The following GUCY1B1 variants were observed in gnomAD, a reference collection of about 807,000 sequenced individuals.
GUCY1B1 encodes guanylate cyclase soluble subunit beta-1.
A neutral mutation model predicts 71.0 loss-of-function variants in GUCY1B1; 43 were observed. The ratio of observed to expected loss-of-function variants is 0.61; its 90% CI spans 0.47 to 0.78. GUCY1B1 has a LOEUF of 0.78. Ranked by LOEUF, GUCY1B1 falls within the 30% of genes least tolerant of loss-of-function variation. The pLI, the probability that GUCY1B1 is intolerant of heterozygous loss-of-function variation, is 0.00. For missense variants in GUCY1B1, 535 were observed against 754.1 expected (o/e 0.71, Z 3.40); for synonymous variants, 266 against 259.7 (o/e 1.02, Z -0.23).
intron 4 of GUCY1B1, among the ~76,000 whole-genome samples, chr4:155,787,243 T>C (rs768322548): frequency 3.3e-5 from 5 of 152,210 alleles, no homozygotes; most frequent in African/African-American, 9.6e-5. Context: ...TTGTAGGTTA[T>C]ATATACCTCT....
Position 155,776,557 on chromosome 4 carries a change from C to A in GUCY1B1, c.179-967C>A, listed in dbSNP as rs145960474. On this transcript the variant is annotated intron_variant, in intron 3 of 13. Transcript: ENST00000264424. ...TGGTGGTGGGTTCCTGTGGTCCCAG[C>A]TACTCAGGAGGCTGAGGCAGGAGAA... Among the ~76,000 whole-genome samples, 990 of 152,068 alleles carry A rather than the reference C, an allele frequency of 6.5e-3. 14 individuals carry two copies. The highest frequency in any genetic ancestry group is 0.023 in the African/African-American group (945 of 41,472).
At position 155,802,976 on chromosome 4, in the gene GUCY1B1, G is replaced by C. The variant is rs186472657; in HGVS notation, c.1413+397G>C. 6.6e-6 allele frequency among the ~76,000 whole-genome samples: 1 copy of C among 152,236 alleles called. No homozygotes were observed. Among genetic ancestry groups the C allele is most frequent in the East Asian group, 1.9e-4 (1 of 5,178 alleles). On this transcript the variant is annotated intron_variant, in intron 10 of 13. Transcript: ENST00000264424. This position sits in a 1 kb window ranked among gnomAD's most constrained non-coding sequence, Gnocchi z 4.3. ...GTAAAGAAGTCATGAAGCATGAGAAGGACTCAGATTTGCGTTTAGATAACA... is the reference window on the plus strand; with the variant it reads ...GTAAAGAAGTCATGAAGCATGAGAACGACTCAGATTTGCGTTTAGATAACA...
chr4:155,786,789 G>A (rs1241940133), intron 4 of GUCY1B1, among the ~76,000 whole-genome samples: 1 of 151,912 alleles, frequency 6.6e-6, no homozygotes, highest in Admixed American at 6.6e-5. Context: ...TGTATTTTCA[G>A]TAGATGTGGG....
At chr4:155,773,969 G>A (rs771193034) in intron 2 of GUCY1B1, among the ~76,000 whole-genome samples, 6 of 152,150 alleles carry the variant, frequency 3.9e-5, no homozygotes, top group Non-Finnish European at 7.4e-5. Context: ...TTACAGGCAT[G>A]AGCCACCGCG....
chr4:155,789,567 C>T (rs1278895582), intron 4 of GUCY1B1, 147 bp from the exon 5 acceptor site: 4 of 503,732 alleles, frequency 7.9e-6, no homozygotes, highest in Non-Finnish European at 1.1e-5. Flanking sequence ...ACAGATATCT[C>T]AGTGGAGTGA....
chr4:155,774,269 T>C (rs1446240529), intron 2 of GUCY1B1, among the ~76,000 whole-genome samples: 1 of 152,148 alleles, frequency 6.6e-6, no homozygotes, highest in Non-Finnish European at 1.5e-5. Flanking sequence ...CCAGCCACAT[T>C]GGCCTCTGCT....
chr4:155,803,622 A>G lies in GUCY1B1; in HGVS notation c.1414-2A>G. 6.4e-7 allele frequency: 1 copy of G among 1,571,100 alleles called. No individual in the cohort carries two copies. The highest frequency in any genetic ancestry group is 8.6e-7 in the Non-Finnish European group (1 of 1,158,668). On this transcript the variant is annotated splice_acceptor_variant, in intron 10 of 13. Coordinates refer to ENST00000264424, the MANE Select transcript of GUCY1B1 (RefSeq NM_000857.5). LOFTEE classifies it high-confidence loss of function. The stretch of plus-strand genomic sequence containing the variant: ...TGAACATCTAAATATATGTACTGTT[A>G]GGTGGAGACTGTTGGTGACAAGTAT...
chr4:155,797,045 T>G (rs1053075981), intron 8 of GUCY1B1, among the ~76,000 whole-genome samples: 2 of 152,184 alleles, frequency 1.3e-5, no homozygotes, highest in African/African-American at 4.8e-5. Flanking sequence ...ATGTGATTTT[T>G]AATAAACGTC....
intron 8 of GUCY1B1, among the ~76,000 whole-genome samples, chr4:155,796,995 C>A (rs551906861): frequency 2.6e-5 from 4 of 152,130 alleles, no homozygotes; most frequent in African/African-American, 9.7e-5. Flanking sequence ...AATCCAAATA[C>A]ACTGTTCCAA....
In GUCY1B1 at chr4:155,807,585, T is replaced by C. The variant is rs965896307; in HGVS notation, c.*1176T>C. The C allele has an allele frequency of 5.3e-5, 8 of 152,146 alleles. No homozygotes were observed. Among genetic ancestry groups the C allele is most frequent in the African/African-American group, 1.9e-4 (8 of 41,456 alleles). The allele number at this position is 152,146 out of a possible 1,614,324, so 9.4% of individuals were successfully genotyped here. A position where few individuals can be genotyped will look rare whatever the true frequency, so the allele number is the denominator to read the frequency against. ...AAGAGTCTGTAATAAATTATTTTTT[T>C]CACGTGTCTCTATACAGTTTTTATT... On this transcript the variant is annotated 3_prime_UTR_variant, in exon 14 of 14. Transcript: ENST00000264424.
chr4:155,782,112 G>C (rs1738469072), intron 4 of GUCY1B1, among the ~76,000 whole-genome samples: 2 of 151,870 alleles, frequency 1.3e-5, no homozygotes. Context: ...GTCTTGCTCT[G>C]TCGCCCAGGC....
intron 2 of GUCY1B1, among the ~76,000 whole-genome samples, chr4:155,761,175 G>A (rs1736974910): frequency 1.3e-5 from 2 of 152,116 alleles, no homozygotes; most frequent in East Asian, 1.9e-4. Context: ...TGAGAACATA[G>A]GCACCAAAAG....
At chr4:155,763,471 C>T (rs184767430) in intron 2 of GUCY1B1, among the ~76,000 whole-genome samples, 50 of 152,026 alleles carry the variant, frequency 3.3e-4, no homozygotes, top group East Asian at 5.8e-4. Flanking sequence ...TCAGATAAAA[C>T]GTTTATCTTT....
Position 155,789,719 on chromosome 4 carries a change from T to C in GUCY1B1, c.303T>C (p.Leu101=). The change falls in exon 5 of 14, where the codon CTT becomes CTC. Residue 101 remains leucine (L), a synonymous_variant. Transcript: ENST00000264424. ...GSNVREFLQN[L]DALHDHLATI... is the part of the protein sequence containing the mutation. ...CCCTTTCTTCTTTGCTGCAGAACCT[T>C]GATGCTCTGCACGACCACCTTGCTA... 6.3e-7 allele frequency: 1 copy of C among 1,582,376 alleles called. No homozygotes were observed. Among genetic ancestry groups the C allele is most frequent in the Non-Finnish European group, 8.6e-7 (1 of 1,156,880 alleles).
At chr4:155,778,188 T>C (rs1738186880) in intron 4 of GUCY1B1, among the ~76,000 whole-genome samples, 1 of 152,170 alleles carries the variant, frequency 6.6e-6, no homozygotes, top group African/African-American at 2.4e-5. Context: ...CGAGGGAAAA[T>C]AGGAAACAGT....
Position 155,802,630 on chromosome 4 carries a change from G to A in GUCY1B1, c.1413+51G>A. On this transcript the variant is annotated intron_variant, in intron 10 of 13. Coordinates refer to ENST00000264424, the MANE Select transcript of GUCY1B1 (RefSeq NM_000857.5). This position sits in a 1 kb window ranked among gnomAD's most constrained non-coding sequence, Gnocchi z 4.3. The stretch of plus-strand genomic sequence containing the variant: ...AGAGCTATCCAGAGGCTGGCGTTCT[G>A]AGACTCCCCTCCAGAGGCCATGTCA... 1 of 1,477,262 alleles carries A rather than the reference G, an allele frequency of 6.8e-7. No homozygotes were observed. Among genetic ancestry groups the A allele is most frequent in the Non-Finnish European group, 9.0e-7 (1 of 1,105,164 alleles). The allele number at this position is 1,477,262 out of a possible 1,614,324, so 91.5% of individuals were successfully genotyped here. A position where few individuals can be genotyped will look rare whatever the true frequency, so the allele number is the denominator to read the frequency against.
chr4:155,791,240 A>C (rs970478554), intron 5 of GUCY1B1, among the ~76,000 whole-genome samples: 1 of 150,136 alleles, frequency 6.7e-6, no homozygotes, highest in African/African-American at 2.4e-5. Context: ...TCAGCCTCCC[A>C]AGTAGCTGGG....
At chr4:155,760,787 A>C (rs920524361) in intron 2 of GUCY1B1, among the ~76,000 whole-genome samples, 1 of 152,194 alleles carries the variant, frequency 6.6e-6, no homozygotes, top group Non-Finnish European at 1.5e-5. Flanking sequence ...AGGTGGAAGG[A>C]AGGGTTTCCT....
At chr4:155,799,208 ATGT>A (rs1167159367) in intron 8 of GUCY1B1, among the ~76,000 whole-genome samples, 2 of 152,198 alleles carry the variant, frequency 1.3e-5, no homozygotes, top group Non-Finnish European at 2.9e-5. Flanking sequence ...AAACATTATT[ATGT>A]TGTTGGAAAA....
Sources: gnomAD v4.1 joint callset for allele counts (sites outside exome capture counted in the v4.1 genomes callset) on GRCh38, gnomAD v4.1.1 for gene constraint, Gnocchi (gnomAD v3.1) non-coding constraint, MANE v1.5 for transcripts, NCBI Gene and HGNC (gene_info 2026-07-23, HGNC 2026-07-21) for gene names.